Variants in ELAVL2 observed in about 807,000 individuals in gnomAD.
The protein encoded by ELAVL2 is ELAV like RNA binding protein 2, also known as ELAV-like protein 2.
A neutral mutation model predicts 34.6 loss-of-function variants in ELAVL2; 4 were observed. That is an observed-to-expected ratio of 0.12 (90% CI 0.06 to 0.26). The LOEUF (loss-of-function observed/expected upper bound fraction) is 0.26. Among genes scored for constraint, ELAVL2 ranks in the 10% least tolerant of loss-of-function variants. The pLI, the probability that ELAVL2 is intolerant of heterozygous loss-of-function variation, is 1.00. For synonymous variants in ELAVL2, 193 were observed against 154.8 expected, an observed-to-expected ratio of 1.25 and a Z score of -1.83; for missense variants, 432 against 442.8, an observed-to-expected ratio of 0.98 and a Z score of 0.22.
At chr9:23,792,267 G>C (rs979943128) in intron 1 of ELAVL2, among the ~76,000 whole-genome samples, 1 of 152,202 alleles carries the variant, frequency 6.6e-6, no homozygotes, top group South Asian at 2.1e-4. Context: ...TATGTTAAAT[G>C]TATTTTCTAC....
At chr9:23,780,339 A>T (rs1419173580) in intron 1 of ELAVL2, among the ~76,000 whole-genome samples, 1 of 152,180 alleles carries the variant, frequency 6.6e-6, no homozygotes, top group Non-Finnish European at 1.5e-5. Flanking sequence ...AAATATAAAC[A>T]CTAAAAAGTG....
the ELAVL2 span, among the ~76,000 whole-genome samples, chr9:23,848,836 A>C: frequency 2.0e-5 from 3 of 152,198 alleles, no homozygotes; most frequent in Non-Finnish European, 1.5e-5. Context: ...TTCTGTTTCC[A>C]TCCCAACCTT....
intron 3 of ELAVL2, among the ~76,000 whole-genome samples, chr9:23,723,330 C>T (rs2044226669): frequency 6.6e-6 from 1 of 151,814 alleles, no homozygotes; most frequent in Admixed American, 6.6e-5. Flanking sequence ...GACAAAAAAC[C>T]AAACACCGCA....
chr9:23,759,206 C>T (rs2054285112), intron 2 of ELAVL2, among the ~76,000 whole-genome samples: 1 of 151,896 alleles, frequency 6.6e-6, no homozygotes, highest in Admixed American at 6.6e-5. Flanking sequence ...AGAAAATATG[C>T]TATATATACA....
Position 23,807,508 on chromosome 9 carries a change from CA to C in ELAVL2, c.-16+18297del, listed in dbSNP as rs555510208. 3.0e-4 allele frequency among the ~76,000 whole-genome samples: 43 copies of C among 145,662 alleles called. No individual in the cohort carries two copies. The East Asian group carries it at 5.8e-3, about 20-fold the overall frequency. On this transcript the variant is annotated intron_variant, in intron 1 of 6. Transcript: ENST00000397312. ...CAACAAATGTCTTCCAAAGTTTCTA[CA>C]AAAAAAAAACTGCCTAAGTCTCTTC...
Position 23,786,781 on chromosome 9 carries a change from CAAAAAAAAAAAA to C in ELAVL2, c.-15-24544_-15-24533del, listed in dbSNP as rs57292061. Among the ~76,000 whole-genome samples the C allele has an allele frequency of 3.4e-3, 364 of 108,132 alleles. 3 individuals carry two copies. The highest frequency in any genetic ancestry group is 0.012 in the African/African-American group (348 of 29,442). 70.9% of individuals were successfully genotyped at this position (108,132 alleles called of 152,430 possible). On this transcript the variant is annotated intron_variant, in intron 1 of 6. Coordinates refer to ENST00000397312, the MANE Select transcript of ELAVL2 (RefSeq NM_004432.5). Reference sequence around the variant, plus strand: ...TAGTCTCAGTAACAGATTTTAGTGGCAAAAAAAAAAAAAAAAAAAAAAGAGAGAGAGAGAAAG... The same window carrying C: ...TAGTCTCAGTAACAGATTTTAGTGGCAAAAAAAAAAGAGAGAGAGAGAAAG...
At chr9:23,800,547 G>A (rs997922993) in intron 1 of ELAVL2, among the ~76,000 whole-genome samples, 2 of 152,108 alleles carry the variant, frequency 1.3e-5, no homozygotes, top group Non-Finnish European at 2.9e-5. Flanking sequence ...AGCCCTATAT[G>A]CTTAAGATAT....
chr9:23,731,230 C>T, intron 2 of ELAVL2, 105 bp from the exon 3 acceptor site: 1 of 829,824 alleles, frequency 1.2e-6, no homozygotes, highest in Non-Finnish European at 1.8e-6. Context: ...AGCATATTTC[C>T]TCAACAGTAA....
intron 3 of ELAVL2, among the ~76,000 whole-genome samples, chr9:23,721,871 AAT>A (rs1452931599): frequency 6.6e-6 from 1 of 152,200 alleles, no homozygotes; most frequent in East Asian, 1.9e-4. Context: ...AAACATACAA[AAT>A]ATGTGATAAC....
chr9:23,692,917 C>CA, intron 6 of ELAVL2, 33 bp from the exon 7 acceptor site: 1 of 1,585,348 alleles, frequency 6.3e-7, no homozygotes, highest in Non-Finnish European at 8.6e-7. Context: ...CACACATACA[C>CA]ACAAAAAATA....
intron 1 of ELAVL2, among the ~76,000 whole-genome samples, chr9:23,777,889 G>C (rs2058474985): frequency 6.6e-6 from 1 of 152,158 alleles, no homozygotes; most frequent in South Asian, 2.1e-4. Context: ...ATGGAAACAA[G>C]TGAATCTTTT....
At chr9:23,770,774 C>A (rs868313100) in intron 1 of ELAVL2, among the ~76,000 whole-genome samples, 1 of 152,126 alleles carries the variant, frequency 6.6e-6, no homozygotes, top group Admixed American at 6.5e-5. Flanking sequence ...AATTTTAAGA[C>A]AATAAATCTT....
intron 2 of ELAVL2, among the ~76,000 whole-genome samples, chr9:23,750,228 G>A (rs1225310774): frequency 6.6e-6 from 1 of 151,866 alleles, no homozygotes; most frequent in Non-Finnish European, 1.5e-5. Context: ...AGCACATCAG[G>A]ACTAGCTTTG....
intron 3 of ELAVL2, among the ~76,000 whole-genome samples, chr9:23,724,234 AG>A (rs2044503689): frequency 6.6e-6 from 1 of 152,202 alleles, no homozygotes; most frequent in Admixed American, 6.5e-5. Flanking sequence ...GCTGACAGGC[AG>A]GAAGTAAGCA....
the ELAVL2 span, among the ~76,000 whole-genome samples, chr9:23,841,210 A>G: frequency 6.6e-6 from 1 of 152,128 alleles, no homozygotes; most frequent in African/African-American, 2.4e-5. Flanking sequence ...CCAGGTCCTA[A>G]AAGTATCAAG....
chr9:23,703,458 C>G (rs960693796), intron 4 of ELAVL2, among the ~76,000 whole-genome samples: 7 of 152,142 alleles, frequency 4.6e-5, no homozygotes, highest in African/African-American at 1.2e-4. Flanking sequence ...TTTATATACT[C>G]TCACTTGACT....
At chr9:23,749,569 A>G (rs540003811) in intron 2 of ELAVL2, among the ~76,000 whole-genome samples, 16 of 152,252 alleles carry the variant, frequency 1.1e-4, no homozygotes, top group African/African-American at 3.4e-4. Flanking sequence ...CAAGGTGGTT[A>G]TATCTTTATG....
intron 2 of ELAVL2, chr9:23,735,119 A>AAAAAAAAAAAAAAAAAAAAAC (rs2047542360): frequency 6.8e-6 from 1 of 147,170 alleles, no homozygotes; most frequent in African/African-American, 2.5e-5. Flanking sequence ...AAAAAAAAAA[A>AAAAAAAAAAAAAAAAAAAAAC]AAAAAAAAGC....
chr9:23,727,554 C>T (rs747855149), intron 3 of ELAVL2, among the ~76,000 whole-genome samples: 3 of 151,996 alleles, frequency 2.0e-5, no homozygotes, highest in Non-Finnish European at 4.4e-5. Flanking sequence ...TTGGTGATTC[C>T]CAAGTGCTAG....
Sources: allele counts gnomAD v4.1 joint callset (sites outside exome capture counted in the v4.1 genomes callset), GRCh38; gene constraint gnomAD v4.1.1; transcripts MANE v1.5; gene names NCBI Gene and HGNC (gene_info 2026-07-23, HGNC 2026-07-21).